INPP4B: variants seen among roughly 807,000 people sequenced by gnomAD.
INPP4B encodes inositol polyphosphate 4-phosphatase type II.
Under a neutral mutation model 122.5 loss-of-function variants are expected in INPP4B, and 55 were observed. The observed-to-expected ratio is 0.45, with a 90% CI of 0.36 to 0.56. The LOEUF (loss-of-function observed/expected upper bound fraction) is 0.56. Among genes scored for constraint, INPP4B ranks in the 20% least tolerant of loss-of-function variants. INPP4B has a pLI of 0.00. For synonymous variants in INPP4B, 403 were observed against 388.7 expected, an observed-to-expected ratio of 1.04 and a Z score of -0.43; for missense variants, 1,000 against 1,097.7, an observed-to-expected ratio of 0.91 and a Z score of 1.26.
intron 2 of INPP4B, among the ~76,000 whole-genome samples, chr4:142,709,295 T>C (rs1762831704): frequency 6.6e-6 from 1 of 152,078 alleles, no homozygotes; most frequent in Non-Finnish European, 1.5e-5. Flanking sequence ...GACTTTTGAG[T>C]TAATGATGAA....
At chr4:142,263,050 C>T (rs759243861) in intron 10 of INPP4B, among the ~76,000 whole-genome samples, 17 of 152,132 alleles carry the variant, frequency 1.1e-4, no homozygotes, top group Admixed American at 5.9e-4. Context: ...CGCTGCATTC[C>T]AATACAACAC....
intron 11 of INPP4B, among the ~76,000 whole-genome samples, chr4:142,239,251 T>G (rs1858080319): frequency 6.6e-6 from 1 of 152,082 alleles, no homozygotes; most frequent in Non-Finnish European, 1.5e-5. Flanking sequence ...AAATTTTGAT[T>G]TCGAACATCC....
In INPP4B at chr4:142,108,136, T is replaced by A; in HGVS notation, c.2331A>T (p.Leu777=). The change falls in exon 23 of 26, where the codon CTA becomes CTT. Residue 777 remains leucine, a synonymous_variant. Transcript: ENST00000262992. ...CCATAAATATCTTGTAATATTCTTG[T>A]AGAAGTTCGAAGTTTTCCTGATTAA... is the stretch of plus-strand genomic sequence containing the variant. ...ESINQENFEL[L]QEYYKIFMEK... 1 of 1,598,114 alleles carries A rather than the reference T, an allele frequency of 6.3e-7. No individual in the cohort carries two copies. The highest frequency in any genetic ancestry group is 8.6e-7 in the Non-Finnish European group (1 of 1,166,414).
At chr4:142,055,394 T>C (rs1430067211) in intron 25 of INPP4B, among the ~76,000 whole-genome samples, 1 of 152,102 alleles carries the variant, frequency 6.6e-6, no homozygotes, top group Non-Finnish European at 1.5e-5. Flanking sequence ...GAATAAGCTA[T>C]GGTAAATATA....
At chr4:142,230,081 A>G (rs1236285094) in intron 12 of INPP4B, among the ~76,000 whole-genome samples, 1 of 152,234 alleles carries the variant, frequency 6.6e-6, no homozygotes, top group Non-Finnish European at 1.5e-5. Context: ...TCTGTGAAAC[A>G]AATTACTACT....
intron 5 of INPP4B, among the ~76,000 whole-genome samples, chr4:142,416,512 A>G (rs1805807100): frequency 6.6e-6 from 1 of 152,158 alleles, no homozygotes; most frequent in Admixed American, 6.6e-5. Context: ...CTTAATGGCT[A>G]TGTGCTATTG....
At chr4:142,742,754 A>G (rs1447390038) in intron 1 of INPP4B, among the ~76,000 whole-genome samples, 2 of 152,044 alleles carry the variant, frequency 1.3e-5, no homozygotes, top group African/African-American at 2.4e-5. Flanking sequence ...AAGAACTGGA[A>G]AAAATAGTGA....
At chr4:142,403,609 A>G (rs954161996) in intron 6 of INPP4B, among the ~76,000 whole-genome samples, 1 of 152,166 alleles carries the variant, frequency 6.6e-6, no homozygotes, top group Non-Finnish European at 1.5e-5. Flanking sequence ...ATTTGAGGCT[A>G]TAAAATTACT....
intron 2 of INPP4B, among the ~76,000 whole-genome samples, chr4:142,700,697 G>T (rs1212214572): frequency 6.6e-6 from 1 of 151,336 alleles, no homozygotes; most frequent in Non-Finnish European, 1.5e-5. Flanking sequence ...TTTGCAGCAG[G>T]TGCATTTTCC....
In INPP4B at chr4:142,054,253, C is replaced by CT. The variant is rs770228355; in HGVS notation, c.2643-25340dup. 4.7e-3 allele frequency among the ~76,000 whole-genome samples: 700 copies of CT among 147,860 alleles called. 6 individuals carry two copies. Among genetic ancestry groups the CT allele is most frequent in the African/African-American group, 9.9e-3 (406 of 40,882 alleles). ...CAACAATATGCCCAACCACAACACC[C>CT]TATTTTTTTTTTTTAACCTGTTTCT... is the stretch of plus-strand genomic sequence containing the variant. On this transcript the variant is annotated intron_variant, in intron 25 of 25. Transcript: ENST00000262992.
rs561823075 is a variant in INPP4B, at chr4:142,158,833, G to A, written c.1563+1525C>T. Among the ~76,000 whole-genome samples the A allele has an allele frequency of 2.6e-5, 4 of 151,864 alleles. No homozygotes were observed. The East Asian group carries it at 7.8e-4, about 30-fold the overall frequency. ...GGGAAGGGTTTGTAAAACATAGTGA[G>A]TTAAAATGAGGGGGAAAAATTCCAA... On this transcript the variant is annotated intron_variant, in intron 17 of 25. Coordinates refer to ENST00000262992, the MANE Select transcript of INPP4B (RefSeq NM_001101669.3).
At position 142,504,688 on chromosome 4, in the gene INPP4B, C is replaced by T. The variant is rs1823784533; in HGVS notation, c.-190-41962G>A. 2.0e-5 allele frequency among the ~76,000 whole-genome samples: 3 copies of T among 151,942 alleles called. No homozygotes were observed. In the East Asian group the frequency reaches 5.8e-4, roughly 29 times the overall value. The stretch of plus-strand genomic sequence containing the variant: ...TTAAAGAGAATGAATGAGAGCTTTA[C>T]CAGTTGATCTAGAAGTATTTTCATA... On this transcript the variant is annotated intron_variant, in intron 2 of 25. Transcript: ENST00000262992.
chr4:142,472,321 T>C (rs1369475404), intron 2 of INPP4B, among the ~76,000 whole-genome samples: 1 of 142,444 alleles, frequency 7.0e-6, no homozygotes, highest in African/African-American at 2.6e-5. Context: ...AAGATCATTG[T>C]AGGAAAAAAA....
intron 2 of INPP4B, among the ~76,000 whole-genome samples, chr4:142,687,928 T>C (rs569240807): frequency 7.9e-5 from 12 of 152,230 alleles, no homozygotes; most frequent in African/African-American, 2.6e-4. Flanking sequence ...CTTTCTACCC[T>C]GTCCTATGAA....
At chr4:142,424,874 G>GTT in intron 5 of INPP4B, among the ~76,000 whole-genome samples, 1 of 151,972 alleles carries the variant, frequency 6.6e-6, no homozygotes, top group Non-Finnish European at 1.5e-5. Context: ...ATTGTGATGT[G>GTT]TTTCCACATT....
At chr4:142,596,170 G>T (rs1738653402) in intron 2 of INPP4B, among the ~76,000 whole-genome samples, 1 of 152,008 alleles carries the variant, frequency 6.6e-6, no homozygotes, top group Admixed American at 6.6e-5. Context: ...AATAAAAAAA[G>T]ACCACAATAA....
intron 2 of INPP4B, among the ~76,000 whole-genome samples, chr4:142,687,165 T>C (rs957268520): frequency 2.6e-5 from 4 of 151,994 alleles, no homozygotes; most frequent in Non-Finnish European, 5.9e-5. Context: ...AGCATATGAA[T>C]TGACCGACTG....
chr4:142,479,428 A>G (rs1820213815), intron 2 of INPP4B, among the ~76,000 whole-genome samples: 1 of 152,170 alleles, frequency 6.6e-6, no homozygotes. Flanking sequence ...CTGAAACAGA[A>G]GTAACAATTG....
intron 25 of INPP4B, among the ~76,000 whole-genome samples, chr4:142,061,883 C>CATATATAT (rs1760922182): frequency 1.7e-4 from 2 of 11,660 alleles, no homozygotes; most frequent in Non-Finnish European, 9.7e-4. Flanking sequence ...CACACACACA[C>CATATATAT]ACATATATAT....
Sources: allele counts gnomAD v4.1 joint callset (sites outside exome capture counted in the v4.1 genomes callset), GRCh38; gene constraint gnomAD v4.1.1; transcripts MANE v1.5; gene names NCBI Gene and HGNC (gene_info 2026-07-23, HGNC 2026-07-21).